Variants in DAB1 observed in about 807,000 individuals in gnomAD.
The protein encoded by DAB1 is DAB adaptor protein 1.
In DAB1, 15 loss-of-function variants were observed where a neutral mutation model predicts 64.6. The observed-to-expected ratio is 0.23, with a 90% confidence interval of 0.16 to 0.36. The LOEUF is 0.36. Ranked by LOEUF, DAB1 falls within the 10% of genes least tolerant of loss-of-function variation. DAB1 has a pLI of 1.00. For synonymous variants in DAB1, 235 were observed against 251.9 expected (o/e 0.93, Z 0.64); for missense variants, 596 against 706.7 (o/e 0.84, Z 1.78).
At chr1:57,547,502 A>G (rs1644869219) in intron 7 of DAB1, among the ~76,000 whole-genome samples, 1 of 152,210 alleles carries the variant, frequency 6.6e-6, no homozygotes, top group African/African-American at 2.4e-5. Flanking sequence ...CTGCTAAGAT[A>G]GTAGGTACTG....
chr1:57,716,185 G>A (rs1347162734), intron 6 of DAB1, among the ~76,000 whole-genome samples: 5 of 152,168 alleles, frequency 3.3e-5, no homozygotes, highest in Non-Finnish European at 5.9e-5. Context: ...TGGGATTACA[G>A]GTGTAAGCCA....
chr1:58,391,276 G>A (rs889560192), intron 3 of DAB1, among the ~76,000 whole-genome samples: 1 of 152,234 alleles, frequency 6.6e-6, no homozygotes, highest in Non-Finnish European at 1.5e-5. Flanking sequence ...GTGGAGCAGA[G>A]CAGTGAGACT....
At chr1:57,608,751 G>A (rs528509365) in intron 7 of DAB1, among the ~76,000 whole-genome samples, 2 of 152,204 alleles carry the variant, frequency 1.3e-5, no homozygotes, top group South Asian at 4.1e-4. Context: ...AGCTCAGCAA[G>A]CTACAAATCC....
intron 2 of DAB1, among the ~76,000 whole-genome samples, chr1:57,182,044 C>A (rs1286143331): frequency 6.6e-6 from 1 of 152,094 alleles, no homozygotes; most frequent in African/African-American, 2.4e-5. Flanking sequence ...TGCCACCACG[C>A]CCAGCTGATT....
chr1:58,381,287 T>G (rs1644386335), intron 3 of DAB1, among the ~76,000 whole-genome samples: 2 of 151,936 alleles, frequency 1.3e-5, no homozygotes, highest in South Asian at 4.1e-4. Context: ...GCTACACATG[T>G]ATCCCCGAAC....
At chr1:57,656,586 G>A (rs1456748236) in intron 6 of DAB1, among the ~76,000 whole-genome samples, 2 of 152,138 alleles carry the variant, frequency 1.3e-5, no homozygotes, top group Non-Finnish European at 2.9e-5. Flanking sequence ...CTAGATCTTG[G>A]AATAAGCCCA....
At chr1:57,175,182 G>T (rs1311598068) in intron 2 of DAB1, among the ~76,000 whole-genome samples, 1 of 152,004 alleles carries the variant, frequency 6.6e-6, no homozygotes, top group African/African-American at 2.4e-5. Context: ...TTAGCAAACT[G>T]TATTCCAATG....
chr1:57,679,620 G>T (rs1422916727), intron 6 of DAB1, among the ~76,000 whole-genome samples: 2 of 152,198 alleles, frequency 1.3e-5, no homozygotes, highest in Non-Finnish European at 2.9e-5. Context: ...AGTAGTGCTT[G>T]TAAGCCATGA....
At chr1:57,950,997 T>C (rs1645264638) in intron 5 of DAB1, among the ~76,000 whole-genome samples, 1 of 152,172 alleles carries the variant, frequency 6.6e-6, no homozygotes, top group Non-Finnish European at 1.5e-5. Flanking sequence ...TTCTCAGCTA[T>C]GCCAGGCTAA....
rs1372420490 is a variant in DAB1, at chr1:58,505,914, A to C, written n.257+146T>G. 7 of 521,962 alleles carry C rather than the reference A, an allele frequency of 1.3e-5. No homozygotes were observed. In the East Asian group the frequency reaches 2.1e-4, roughly 15 times the overall value. The allele number at this position is 521,962 out of a possible 1,614,324, so 32.3% of individuals were successfully genotyped here. On this transcript the variant is annotated intron_variant and non_coding_transcript_variant, in intron 3 of 20. Transcript: ENST00000485760. Reference sequence around the variant, plus strand: ...AAGCAGAATTTTGCTTTTCAGTCAAATTCTGTGACAACTGATAATCCATAA... The same window carrying C: ...AAGCAGAATTTTGCTTTTCAGTCAACTTCTGTGACAACTGATAATCCATAA...
chr1:58,540,458 A>G (rs923018275), intron 1 of DAB1, among the ~76,000 whole-genome samples: 2 of 152,030 alleles, frequency 1.3e-5, no homozygotes, highest in Admixed American at 1.3e-4. Flanking sequence ...GCATTAGTAG[A>G]TAAGGATATT....
At chr1:57,114,968 G>C (rs3768173) in intron 4 of DAB1, among the ~76,000 whole-genome samples, 6,781 of 152,014 alleles carry the variant, frequency 0.045, 296 homozygotes, top group East Asian at 0.21. Flanking sequence ...TATCCATATA[G>C]TGGGGTTATT....
At chr1:58,473,209 C>G (rs1453175867) in intron 3 of DAB1, among the ~76,000 whole-genome samples, 1 of 152,180 alleles carries the variant, frequency 6.6e-6, no homozygotes, top group Non-Finnish European at 1.5e-5. Context: ...AGGTCTGAGT[C>G]AAGTCACTCA....
intron 7 of DAB1, among the ~76,000 whole-genome samples, chr1:57,453,725 T>C (rs967489644): frequency 6.6e-6 from 1 of 152,214 alleles, no homozygotes; most frequent in Admixed American, 6.6e-5. Flanking sequence ...AATCACATTG[T>C]ATATGAATTT....
chr1:58,323,061 C>A (rs1569641551), intron 4 of DAB1, among the ~76,000 whole-genome samples: 1 of 115,572 alleles, frequency 8.7e-6, no homozygotes, highest in South Asian at 3.3e-4. Context: ...GGGCACAGGG[C>A]GGGGAACATC....
chr1:58,170,912 G>A (rs574428566), intron 4 of DAB1, among the ~76,000 whole-genome samples: 2 of 152,232 alleles, frequency 1.3e-5, no homozygotes, highest in South Asian at 4.2e-4. Flanking sequence ...TGAGGGCCAG[G>A]AAATTGACTT....
chr1:57,271,637 A>C (rs761072353), intron 2 of DAB1, among the ~76,000 whole-genome samples: 1 of 152,172 alleles, frequency 6.6e-6, no homozygotes, highest in African/African-American at 2.4e-5. Flanking sequence ...ACAGTACAGC[A>C]CACTGTGAGA....
intron 3 of DAB1, among the ~76,000 whole-genome samples, chr1:58,452,850 A>G (rs1420068061): frequency 6.6e-6 from 1 of 150,952 alleles, no homozygotes; most frequent in East Asian, 1.9e-4. Flanking sequence ...AACAAAAAAC[A>G]AAACAAAAAA....
chr1:58,461,691 C>T (rs1326713594), intron 3 of DAB1, among the ~76,000 whole-genome samples: 1 of 152,174 alleles, frequency 6.6e-6, no homozygotes, highest in East Asian at 1.9e-4. Context: ...GGTGGTTCTA[C>T]GAGCACCCCA....
Sources: gnomAD v4.1 joint callset for allele counts (sites outside exome capture counted in the v4.1 genomes callset) on GRCh38, gnomAD v4.1.1 for gene constraint, MANE v1.5 for transcripts, NCBI Gene and HGNC (gene_info 2026-07-23, HGNC 2026-07-21) for gene names.